The following GALNTL5 variants were observed in gnomAD, a reference collection of about 807,000 sequenced individuals.
GALNTL5 encodes polypeptide N-acetylgalactosaminyltransferase like 5.
A neutral mutation model predicts 51.0 loss-of-function variants in GALNTL5; 44 were observed. The ratio of observed to expected loss-of-function variants is 0.86; its 90% confidence interval spans 0.68 to 1.11. The LOEUF is 1.11. Among genes scored for constraint, GALNTL5 ranks in the 50% least tolerant of loss-of-function variants. The probability of loss-of-function intolerance (pLI) is 0.00; values close to 1 mark genes in which losing one functional copy is unlikely to be tolerated. For synonymous variants in GALNTL5, 192 were observed against 182.8 expected, an observed-to-expected ratio of 1.05 and a Z score of -0.41; for missense variants, 528 against 531.8, an observed-to-expected ratio of 0.99 and a Z score of 0.07.
At chr7:151,988,767 T>C (rs1186031230) in intron 5 of GALNTL5, among the ~76,000 whole-genome samples, 1 of 150,790 alleles carries the variant, frequency 6.6e-6, no homozygotes, top group Non-Finnish European at 1.5e-5. Context: ...TGGAGTGCAA[T>C]GGCACAATCT....
At chr7:151,987,987 G>A (rs2081382185) in intron 5 of GALNTL5, among the ~76,000 whole-genome samples, 1 of 152,226 alleles carries the variant, frequency 6.6e-6, no homozygotes, top group South Asian at 2.1e-4. Context: ...GCATGACCTT[G>A]ACATGAGCTT....
intron 8 of GALNTL5, among the ~76,000 whole-genome samples, chr7:152,015,660 A>G (rs1563028440): frequency 6.6e-6 from 1 of 151,962 alleles, no homozygotes; most frequent in Non-Finnish European, 1.5e-5. Flanking sequence ...TACCCGGCCC[A>G]TGTGCAACTC....
chr7:151,990,432 T>G (rs2081412383), intron 5 of GALNTL5, among the ~76,000 whole-genome samples: 2 of 150,938 alleles, frequency 1.3e-5, no homozygotes, highest in African/African-American at 2.4e-5. Flanking sequence ...TACAAAAATA[T>G]TAGCCGGGCG....
chr7:151,996,294 G>T (rs947039141), intron 5 of GALNTL5, among the ~76,000 whole-genome samples: 3 of 151,786 alleles, frequency 2.0e-5, no homozygotes, highest in Non-Finnish European at 4.4e-5. Flanking sequence ...TGCCATGCTG[G>T]TGTGCTGCAC....
intron 5 of GALNTL5, among the ~76,000 whole-genome samples, chr7:152,000,206 T>C (rs1179411632): frequency 6.6e-6 from 1 of 152,234 alleles, no homozygotes; most frequent in Non-Finnish European, 1.5e-5. Context: ...GAGTTTGCTT[T>C]GGCAGTGTTG....
At chr7:151,971,971 T>C (rs2081150094) in intron 3 of GALNTL5, among the ~76,000 whole-genome samples, 1 of 152,178 alleles carries the variant, frequency 6.6e-6, no homozygotes, top group African/African-American at 2.4e-5. Context: ...CAGTCTCAGG[T>C]AGAATCTTTA....
chr7:151,957,092 G>A (rs7784210), intron 1 of GALNTL5, among the ~76,000 whole-genome samples: 32,125 of 148,560 alleles, frequency 0.22, 3,980 homozygotes, highest in Admixed American at 0.32. Flanking sequence ...GACCATGTGA[G>A]TCCAGGAGTT....
rs145775856 is a variant in GALNTL5, at chr7:151,974,018, C to G, written c.368+2953C>G. ...CTGCCGTGTAAAATGTACCTTGCTT[C>G]CCCTTCACCTTCTGCCATGATTATA... On this transcript the variant is annotated intron_variant, in intron 3 of 8. Transcript: ENST00000392800. 1.4e-3 allele frequency among the ~76,000 whole-genome samples: 219 copies of G among 152,250 alleles called. 1 individual carries two copies. The highest frequency in any genetic ancestry group is 5.0e-3 in the African/African-American group (209 of 41,538).
intron 8 of GALNTL5, among the ~76,000 whole-genome samples, 185 bp from the exon 9 acceptor site, chr7:152,019,461 G>A (rs967228962): frequency 6.6e-6 from 1 of 152,132 alleles, no homozygotes; most frequent in African/African-American, 2.4e-5. Context: ...ACATATGCAG[G>A]GTGGGTAAAT....
At chr7:151,983,175 T>A in intron 4 of GALNTL5, 23 bp downstream of exon 4, 1 of 1,583,610 alleles carries the variant, frequency 6.3e-7, no homozygotes, top group East Asian at 2.2e-5. Context: ...ACTCATTATC[T>A]CATCTACTTT....
chr7:152,013,542 T>C (rs1315771552), intron 7 of GALNTL5, among the ~76,000 whole-genome samples: 1 of 152,180 alleles, frequency 6.6e-6, no homozygotes, highest in Admixed American at 6.5e-5. Context: ...GTTGTGTTGG[T>C]GTGAGAGCTA....
At chr7:151,957,032 C>A (rs2080933696) in intron 1 of GALNTL5, among the ~76,000 whole-genome samples, 1 of 151,218 alleles carries the variant, frequency 6.6e-6, no homozygotes, top group African/African-American at 2.4e-5. Context: ...ATAAACTGGG[C>A]ACGGCAGCTG....
Position 151,979,409 on chromosome 7 carries a change from C to T in GALNTL5, c.369-3577C>T, listed in dbSNP as rs114556030. ...GATTACAGGTGTGAGCCACCACGGC[C>T]GGCCTCCTTTTACTCTTAAAAACAG... On this transcript the variant is annotated intron_variant, in intron 3 of 8. Transcript: ENST00000392800. 7.2e-3 allele frequency among the ~76,000 whole-genome samples: 1,080 copies of T among 150,186 alleles called. 12 individuals carry two copies. Among genetic ancestry groups the T allele is most frequent in the African/African-American group, 0.022 (909 of 40,728 alleles).
chr7:152,004,468 G>T (rs180748035), intron 6 of GALNTL5, among the ~76,000 whole-genome samples: 27 of 151,990 alleles, frequency 1.8e-4, no homozygotes, highest in African/African-American at 6.5e-4. Flanking sequence ...ATTATTATTT[G>T]TATAAATATA....
At chr7:151,990,847 AC>A (rs1020102262) in intron 5 of GALNTL5, among the ~76,000 whole-genome samples, 10 of 152,022 alleles carry the variant, frequency 6.6e-5, no homozygotes, top group African/African-American at 2.4e-4. Context: ...TCCCTGAATG[AC>A]CACATGGAGG....
At chr7:151,987,934 C>T (rs919568627) in intron 5 of GALNTL5, among the ~76,000 whole-genome samples, 2 of 152,232 alleles carry the variant, frequency 1.3e-5, no homozygotes, top group Non-Finnish European at 2.9e-5. Context: ...AACCACCACC[C>T]TCACACTGTG....
chr7:151,991,324 C>T (rs2081426671), intron 5 of GALNTL5, among the ~76,000 whole-genome samples: 1 of 152,150 alleles, frequency 6.6e-6, no homozygotes, highest in Non-Finnish European at 1.5e-5. Context: ...AGTTCCCGAC[C>T]TCAGGTGATC....
chr7:151,966,332 A>G (rs1037789853), intron 1 of GALNTL5, among the ~76,000 whole-genome samples: 2 of 150,428 alleles, frequency 1.3e-5, no homozygotes, highest in African/African-American at 4.9e-5. Context: ...CAGTGGTGCG[A>G]TCTTGGCTCA....
chr7:152,011,578 C>G (rs933070006), intron 7 of GALNTL5, among the ~76,000 whole-genome samples: 1 of 152,232 alleles, frequency 6.6e-6, no homozygotes, highest in East Asian at 1.9e-4. Flanking sequence ...GCCTCTCCCC[C>G]ATGCTGAACC....
Sources: allele counts gnomAD v4.1 joint callset (sites outside exome capture counted in the v4.1 genomes callset), GRCh38; gene constraint gnomAD v4.1.1; transcripts MANE v1.5; gene names NCBI Gene and HGNC (gene_info 2026-07-23, HGNC 2026-07-21).